The following DMAP1 variants were observed in gnomAD, a reference collection of about 807,000 sequenced individuals.
DMAP1 encodes the protein DNA methyltransferase 1-associated protein 1.
DMAP1 carries 26 observed loss-of-function variants against 52.7 expected under a neutral mutation model. That is an observed-to-expected ratio of 0.49 (90% CI 0.36 to 0.68). DMAP1 has a LOEUF of 0.68. DMAP1 is among the 30% of genes least tolerant of loss of function. The pLI, the probability that DMAP1 is intolerant of heterozygous loss-of-function variation, is 0.00. For missense variants in DMAP1, 439 were observed against 625.2 expected (o/e 0.70, Z 3.18); for synonymous variants, 231 against 246.0 (o/e 0.94, Z 0.57).
chr1:44,218,317 C>CA lies in DMAP1; in HGVS notation c.401dup (p.Val135GlyfsTer16). 2 of 1,614,232 alleles carry CA rather than the reference C, an allele frequency of 1.2e-6. No individual in the cohort carries two copies. The highest frequency in any genetic ancestry group is 1.7e-6 in the Non-Finnish European group (2 of 1,180,046). On this transcript the variant is annotated frameshift_variant, in exon 4 of 10. Transcript: ENST00000372289. LOFTEE classifies it high-confidence loss of function. The surrounding 1 kb of genome is among the most constrained non-coding windows in gnomAD (Gnocchi z 5.6). ...TGTCCCTCTGTGCTAGTAGACTGTG[C>CA]AGGTGCCTGTGTACTCGGAGCAGGA... is the stretch of plus-strand genomic sequence containing the variant.
At position 44,215,537 on chromosome 1, in the gene DMAP1, T is replaced by C. The variant is rs78348588; in HGVS notation, c.393+639T>C. 1.6e-3 allele frequency: 522 copies of C among 332,352 alleles called. 1 individual carries two copies. Among genetic ancestry groups the C allele is most frequent in the African/African-American group, 0.01 (475 of 46,450 alleles). 20.6% of individuals were successfully genotyped at this position (332,352 alleles called of 1,614,324 possible). On this transcript the variant is annotated intron_variant, in intron 3 of 9. Transcript: ENST00000372289. ...AACAACAAACATGTAAGGAAATAAATTGGAGTCTTTCAAATAAGAGCCGTC... is the reference window on the plus strand; with the variant it reads ...AACAACAAACATGTAAGGAAATAAACTGGAGTCTTTCAAATAAGAGCCGTC...
At position 44,218,758 on chromosome 1, in the gene DMAP1, A is replaced by T. The variant is rs764742862; in HGVS notation, c.720+3A>T. On this transcript the variant is annotated splice_donor_region_variant and intron_variant, in intron 5 of 9. Coordinates refer to ENST00000372289, the MANE Select transcript of DMAP1 (RefSeq NM_019100.5). This position sits in a 1 kb window ranked among gnomAD's most constrained non-coding sequence, Gnocchi z 5.6. ...TCTACAACCGGACCCCAGAGCAGGT[A>T]AGCCCAAGGCCACATACCTGTCCTC... 6 of 1,601,666 alleles carry T rather than the reference A, an allele frequency of 3.7e-6. No individual in the cohort carries two copies. The highest frequency in any genetic ancestry group is 4.3e-6 in the Non-Finnish European group (5 of 1,171,530).
intron 3 of DMAP1, chr1:44,216,159 G>T (rs1206881947): frequency 1.3e-5 from 2 of 151,822 alleles, no homozygotes; most frequent in Non-Finnish European, 2.9e-5. Context: ...TTTGTTGAAT[G>T]AATGAAAAAA....
chr1:44,214,624 A>G, intron 2 of DMAP1, 79 bp from the exon 3 acceptor site: 1 of 1,613,378 alleles, frequency 6.2e-7, no homozygotes, highest in South Asian at 1.1e-5. Context: ...AGGGTAGGGT[A>G]GATCAGCTCC....
At position 44,218,924 on chromosome 1, in the gene DMAP1, A is replaced by T; in HGVS notation, c.721-132A>T. The T allele has an allele frequency of 7.0e-7, 1 of 1,419,462 alleles. No individual in the cohort carries two copies. The highest frequency in any genetic ancestry group is 9.6e-7 in the Non-Finnish European group (1 of 1,042,284). The allele number at this position is 1,419,462 out of a possible 1,614,324, so 87.9% of individuals were successfully genotyped here. ...TCATGGGCCATCCCCCCTGCTTTTCATAGCCCTTCACCTCCCTCATGATCC... is the reference window on the plus strand; with the variant it reads ...TCATGGGCCATCCCCCCTGCTTTTCTTAGCCCTTCACCTCCCTCATGATCC... On this transcript the variant is annotated intron_variant, in intron 5 of 9. Transcript: ENST00000372289. The surrounding 1 kb of genome is among the most constrained non-coding windows in gnomAD (Gnocchi z 5.6).
rs768382172 is a variant in DMAP1 at position 44,220,316 on chromosome 1, G to T, written c.1344+7G>T. 3.0e-5 allele frequency: 46 copies of T among 1,540,220 alleles called. No homozygotes were observed. The highest frequency in any genetic ancestry group is 3.9e-5 in the Non-Finnish European group (45 of 1,140,198). Reference sequence around the variant, plus strand: ...ACCCCTCACGCCCAATTCGGTAAGAGTCTGGACAGGCTGGGAGGCACGCCT... The same window carrying T: ...ACCCCTCACGCCCAATTCGGTAAGATTCTGGACAGGCTGGGAGGCACGCCT... On this transcript the variant is annotated splice_region_variant and intron_variant, in intron 9 of 9. Coordinates refer to ENST00000372289, the MANE Select transcript of DMAP1 (RefSeq NM_019100.5).
rs755291277 is a variant in DMAP1, at chr1:44,218,407, AG to A, written c.491del (p.Ser164ThrfsTer28). 1 of 1,614,222 alleles carries A rather than the reference AG, an allele frequency of 6.2e-7. No homozygotes were observed. The highest frequency in any genetic ancestry group is 8.5e-7 in the Non-Finnish European group (1 of 1,180,038). The stretch of plus-strand genomic sequence containing the variant: ...AGAAACTGACCACCTCTTTGACCTC[AG>A]CCGCCGCTTTGACCTGCGTTTTGTT... ...KAETDHLFDLSRRFDLRFVVI... is the reference protein window; with the variant it reads ...KAETDHLFDLXRRFDLRFVVI... On this transcript the variant is annotated frameshift_variant, in exon 4 of 10. Coordinates refer to ENST00000372289, the MANE Select transcript of DMAP1 (RefSeq NM_019100.5). LOFTEE classifies it high-confidence loss of function. This position sits in a 1 kb window ranked among gnomAD's most constrained non-coding sequence, Gnocchi z 5.6.
chr1:44,219,534 T>A, intron 7 of DMAP1, 57 bp downstream of exon 7: 2 of 1,492,970 alleles, frequency 1.3e-6, no homozygotes, highest in Non-Finnish European at 9.0e-7. Context: ...CTGGGCTCCA[T>A]GTGTCCCAAA....
chr1:44,215,603 T>C lies in DMAP1; in HGVS notation c.393+705T>C, dbSNP rs1404497723. On this transcript the variant is annotated intron_variant, in intron 3 of 9. Transcript: ENST00000372289. ...GGATTTGAATGGATATGAAATGAGATAAAGAGTGAACTTGTAGGTGTAGGG... is the reference window on the plus strand; with the variant it reads ...GGATTTGAATGGATATGAAATGAGACAAAGAGTGAACTTGTAGGTGTAGGG... The C allele has an allele frequency of 9.6e-6, 3 of 313,732 alleles. No homozygotes were observed. In the East Asian group the frequency reaches 2.4e-4, roughly 25 times the overall value. The allele number at this position is 313,732 out of a possible 1,614,324, so 19.4% of individuals were successfully genotyped here. A position where few individuals can be genotyped will look rare whatever the true frequency, so the allele number is the denominator to read the frequency against.
Position 44,218,463 on chromosome 1 carries a change from G to T in DMAP1, c.546G>T (p.Gln182His). ...VVIHDRYDHQQFKKRSVEDLK... is the reference protein window; with the variant it reads ...VVIHDRYDHQHFKKRSVEDLK... Reference sequence around the variant, plus strand: ...TCCATGACCGGTATGACCACCAGCAGTTCAAGGTGAGCCATTGTGTATTTG... The same window carrying T: ...TCCATGACCGGTATGACCACCAGCATTTCAAGGTGAGCCATTGTGTATTTG... The change falls in exon 4 of 10, where the codon CAG becomes CAT. Residue 182 changes from glutamine (Q) to histidine (H), a missense_variant. Coordinates refer to ENST00000372289, the MANE Select transcript of DMAP1 (RefSeq NM_019100.5). This position sits in a 1 kb window ranked among gnomAD's most constrained non-coding sequence, Gnocchi z 5.6. 6.2e-7 allele frequency: 1 copy of T among 1,614,142 alleles called. No individual in the cohort carries two copies.
rs2154314395 is a variant in DMAP1, at chr1:44,219,346, G to C, written c.907-60G>C. 2.6e-6 allele frequency: 4 copies of C among 1,547,948 alleles called. No homozygotes were observed. The East Asian group carries it at 9.0e-5, about 35-fold the overall frequency. On this transcript the variant is annotated intron_variant, in intron 6 of 9. Transcript: ENST00000372289. Reference sequence around the variant, plus strand: ...AGTACCCAGTGCTGATGGGGTGCTAGGACTAACCCTGGGCCCTCTCCCTGT... The same window carrying C: ...AGTACCCAGTGCTGATGGGGTGCTACGACTAACCCTGGGCCCTCTCCCTGT...
rs150342757 is a variant in DMAP1, at chr1:44,218,388, T to G, written c.471T>G (p.Thr157=). ...ATGATGCTTGGACTAAGGCAGAAAC[T>G]GACCACCTCTTTGACCTCAGCCGCC... is the stretch of plus-strand genomic sequence containing the variant. ...LHDDAWTKAE[T]DHLFDLSRRF... is the part of the protein sequence containing the mutation. The change falls in exon 4 of 10, where the codon ACT becomes ACG. Residue 157 remains threonine (T), a synonymous_variant. Transcript: ENST00000372289. This position sits in a 1 kb window ranked among gnomAD's most constrained non-coding sequence, Gnocchi z 5.6. The G allele has an allele frequency of 3.9e-4, 627 of 1,614,248 alleles. No homozygotes were observed. The highest frequency in any genetic ancestry group is 5.2e-4 in the Non-Finnish European group (608 of 1,180,032).
At position 44,218,548 on chromosome 1, in the gene DMAP1, C is replaced by T. The variant is rs1643840188; in HGVS notation, c.553-40C>T. 2 of 1,607,724 alleles carry T rather than the reference C, an allele frequency of 1.2e-6. No homozygotes were observed. Among genetic ancestry groups the T allele is most frequent in the African/African-American group, 1.3e-5 (1 of 74,748 alleles). ...ACTTTTATGCCATCTCTTCCACATG[C>T]CCCTGAATGTTCATTCCTCTACCCT... On this transcript the variant is annotated intron_variant, in intron 4 of 9. Transcript: ENST00000372289. The surrounding 1 kb of genome is among the most constrained non-coding windows in gnomAD (Gnocchi z 5.6).
intron 9 of DMAP1, 45 bp from the exon 10 acceptor site, chr1:44,220,514 G>C: frequency 1.2e-6 from 2 of 1,614,214 alleles, no homozygotes; most frequent in Non-Finnish European, 1.7e-6. Flanking sequence ...GCCTGACTCA[G>C]GCCTTGGGGG....
In DMAP1 at chr1:44,213,503, TG is replaced by T; in HGVS notation, c.-246del. The T allele has an allele frequency of 6.5e-6, 3 of 461,722 alleles. No homozygotes were observed. Among genetic ancestry groups the T allele is most frequent in the Non-Finnish European group, 1.2e-5 (3 of 255,294 alleles). 28.6% of individuals were successfully genotyped at this position (461,722 alleles called of 1,614,324 possible). A position where few individuals can be genotyped will look rare whatever the true frequency, so the allele number is the denominator to read the frequency against. On this transcript the variant is annotated 5_prime_UTR_variant, in exon 1 of 10. Transcript: ENST00000372289. This position sits in a 1 kb window ranked among gnomAD's most constrained non-coding sequence, Gnocchi z 4.5. ...CTTTGCGGGGACGGGGGAGTGGTAG[TG>T]GGGGCTGCAGCTGCCGGACCCAGGT...
intron 7 of DMAP1, 85 bp downstream of exon 7, chr1:44,219,562 GA>G (rs1643867786): frequency 7.2e-7 from 1 of 1,380,992 alleles, no homozygotes; most frequent in Non-Finnish European, 9.8e-7. Flanking sequence ...GGCAGGTGGG[GA>G]TGGAGCAGTA....
intron 1 of DMAP1, among the ~76,000 whole-genome samples, chr1:44,214,101 T>G (rs1229017267): frequency 6.6e-6 from 1 of 152,120 alleles, no homozygotes. Flanking sequence ...CAAGTGTGAT[T>G]TTTGCAAGAT....
At position 44,220,668 on chromosome 1, in the gene DMAP1, G is replaced by A. The variant is rs773974269; in HGVS notation, c.*50G>A. 3 of 1,609,262 alleles carry A rather than the reference G, an allele frequency of 1.9e-6. No homozygotes were observed. The highest frequency in any genetic ancestry group is 2.5e-6 in the Non-Finnish European group (3 of 1,176,778). ...GCTGTTATGTAAATAGAGCTGCTGA[G>A]TTGGACCAGGCTGCTTCCTTTTCCT... On this transcript the variant is annotated 3_prime_UTR_variant, in exon 10 of 10. Coordinates refer to ENST00000372289, the MANE Select transcript of DMAP1 (RefSeq NM_019100.5).
chr1:44,219,615 A>C, intron 7 of DMAP1, 138 bp downstream of exon 7: 2 of 1,146,622 alleles, frequency 1.7e-6, no homozygotes, highest in Non-Finnish European at 2.5e-6. Flanking sequence ...GCAGGATCTC[A>C]GTGATGTGGC....
Sources: gnomAD v4.1 joint callset for allele counts (sites outside exome capture counted in the v4.1 genomes callset) on GRCh38, gnomAD v4.1.1 for gene constraint, Gnocchi (gnomAD v3.1) non-coding constraint, MANE v1.5 for transcripts, NCBI Gene and HGNC (gene_info 2026-07-23, HGNC 2026-07-21) for gene names.